Variants in ARHGAP6 observed in about 807,000 individuals in gnomAD.
The protein encoded by ARHGAP6 is Rho GTPase activating protein 6, also known as rho GTPase-activating protein 6.
A neutral mutation model predicts 55.7 loss-of-function variants in ARHGAP6; 16 were observed. The ratio of observed to expected loss-of-function variants is 0.29; its 90% confidence interval spans 0.19 to 0.44. The LOEUF (loss-of-function observed/expected upper bound fraction) is 0.44, where lower values mean the gene tolerates loss of function less well. Among genes scored for constraint, ARHGAP6 ranks in the 20% least tolerant of loss-of-function variants. The pLI, the probability that ARHGAP6 is intolerant of heterozygous loss-of-function variation, is 1.00. For missense variants in ARHGAP6, 698 were observed against 808.9 expected (o/e 0.86, Z 1.66); for synonymous variants, 382 against 360.9 (o/e 1.06, Z -0.66).
intron 1 of ARHGAP6, among the ~76,000 whole-genome samples, chrX:11,469,014 T>G (rs2050322874): frequency 8.9e-6 from 1 of 112,353 alleles, no homozygotes; most frequent in Non-Finnish European, 1.9e-5. Context: ...GGCAGGCATC[T>G]GCAAATCAGG....
intron 1 of ARHGAP6, among the ~76,000 whole-genome samples, chrX:11,526,523 CAGT>C (rs2050991040): frequency 8.9e-6 from 1 of 111,808 alleles, no homozygotes; most frequent in Non-Finnish European, 1.9e-5. Context: ...TCCCCAGCTT[CAGT>C]AGTTGTTTTC....
At chrX:11,183,880 C>A (rs1349240905) in intron 5 of ARHGAP6, among the ~76,000 whole-genome samples, 1 of 112,195 alleles carries the variant, frequency 8.9e-6, no homozygotes, top group East Asian at 2.8e-4. Flanking sequence ...AATGGCTCTC[C>A]TTTTTCTATG....
chrX:11,308,575 T>C (rs769456433), intron 1 of ARHGAP6, among the ~76,000 whole-genome samples: 2 of 111,504 alleles, frequency 1.8e-5, no homozygotes, highest in African/African-American at 3.3e-5. Context: ...GGGCAACCTA[T>C]GCCCTTGTCC....
intron 1 of ARHGAP6, among the ~76,000 whole-genome samples, chrX:11,442,037 A>G (rs1300035084): frequency 8.9e-6 from 1 of 111,953 alleles, no homozygotes; most frequent in Non-Finnish European, 1.9e-5. Context: ...TGAAACAATA[A>G]CTAGTACATC....
chrX:11,664,280 G>A lies in ARHGAP6; in HGVS notation c.549C>T (p.Pro183=), dbSNP rs779871942. ...CGACGTAGGGGTGCCCGCGACTGTCGGGTGGGGACTGGAACTTCCTCTGCT... is the reference window on the plus strand; with the variant it reads ...CGACGTAGGGGTGCCCGCGACTGTCAGGTGGGGACTGGAACTTCCTCTGCT... The part of the protein sequence containing the change: ...WLQQRKFQSP[P]DSRGHPYVVW... Residue 183 remains proline, a synonymous_variant, in exon 1 of 13, where the codon CCC becomes CCT. Transcript: ENST00000337414. The A allele has an allele frequency of 4.2e-5, 51 of 1,210,369 alleles. No homozygotes were observed. The highest frequency in any genetic ancestry group is 3.7e-4 in the Admixed American group (17 of 45,997).
At chrX:11,443,943 A>T (rs2050066742) in intron 1 of ARHGAP6, among the ~76,000 whole-genome samples, 1 of 106,752 alleles carries the variant, frequency 9.4e-6, no homozygotes, top group African/African-American at 3.5e-5. Flanking sequence ...AAACAAAACA[A>T]AAAAGAAAAC....
intron 1 of ARHGAP6, among the ~76,000 whole-genome samples, chrX:11,336,398 AC>A (rs1185061265): frequency 9.0e-6 from 1 of 111,476 alleles, no homozygotes; most frequent in African/African-American, 3.3e-5. Context: ...CTAGACAATC[AC>A]CCCAGCTTTA....
intron 1 of ARHGAP6, among the ~76,000 whole-genome samples, chrX:11,579,335 A>G (rs186776383): frequency 0.017 from 1,911 of 111,999 alleles, 19 homozygotes; most frequent in Middle Eastern, 0.13. Flanking sequence ...AGAAGTAAAG[A>G]GAATATAACA....
chrX:11,334,930 C>A, intron 1 of ARHGAP6: 2 of 137,361 alleles, frequency 1.5e-5, no homozygotes, highest in South Asian at 4.3e-4. Flanking sequence ...CCCGTGAAGT[C>A]AAAACTGCAA....
At chrX:11,654,301 T>C (rs2052616139) in intron 1 of ARHGAP6, among the ~76,000 whole-genome samples, 1 of 111,866 alleles carries the variant, frequency 8.9e-6, no homozygotes, top group Non-Finnish European at 1.9e-5. Flanking sequence ...TTATTGACAC[T>C]TCAGCTCCTA....
At chrX:11,243,087 G>C (rs2047306051) in intron 2 of ARHGAP6, among the ~76,000 whole-genome samples, 1 of 108,971 alleles carries the variant, frequency 9.2e-6, no homozygotes, top group Non-Finnish European at 1.9e-5. Context: ...TTGTGCTGTA[G>C]GTATGTATAA....
intron 1 of ARHGAP6, among the ~76,000 whole-genome samples, chrX:11,274,288 G>C (rs1208691527): frequency 9.0e-6 from 1 of 111,728 alleles, no homozygotes; most frequent in Non-Finnish European, 1.9e-5. Context: ...GGCAACTGTT[G>C]ACTTAAAGCA....
intron 2 of ARHGAP6, among the ~76,000 whole-genome samples, chrX:11,239,865 G>A (rs192856242): frequency 2.2e-4 from 25 of 111,704 alleles, no homozygotes; most frequent in Non-Finnish European, 4.0e-4. Context: ...CTGTAAAAAG[G>A]TTTAGTAATA....
chrX:11,641,526 G>A (rs191108659), intron 1 of ARHGAP6, among the ~76,000 whole-genome samples: 1 of 111,473 alleles, frequency 9.0e-6, no homozygotes, highest in East Asian at 2.8e-4. Context: ...GAAGAAGGTC[G>A]CATCACACAT....
chrX:11,491,829 A>T (rs1031884791), intron 1 of ARHGAP6, among the ~76,000 whole-genome samples: 1 of 109,486 alleles, frequency 9.1e-6, no homozygotes, highest in African/African-American at 3.4e-5. Context: ...CAGTCCCACC[A>T]ACAGTGTAAA....
At chrX:11,359,962 G>C (rs897374322) in intron 1 of ARHGAP6, among the ~76,000 whole-genome samples, 11 of 111,724 alleles carry the variant, frequency 9.8e-5, no homozygotes, top group African/African-American at 3.6e-4. Context: ...CCAGGAAGAA[G>C]TTGAATCTCT....
At chrX:11,187,489 G>T (rs1478193472) in intron 4 of ARHGAP6, among the ~76,000 whole-genome samples, 3 of 112,169 alleles carry the variant, frequency 2.7e-5, no homozygotes, top group African/African-American at 9.7e-5. Context: ...TACACAGTCT[G>T]AGACACAATG....
At chrX:11,362,197 C>T (rs951141521) in intron 1 of ARHGAP6, among the ~76,000 whole-genome samples, 1 of 111,808 alleles carries the variant, frequency 8.9e-6, no homozygotes. Context: ...TATAAAGACA[C>T]ATGCACACGT....
chrX:11,301,351 A>T (rs910800129), intron 1 of ARHGAP6, among the ~76,000 whole-genome samples: 9 of 112,475 alleles, frequency 8.0e-5, no homozygotes, highest in African/African-American at 2.3e-4. Context: ...ACTTTAAGAT[A>T]AATTGTACTG....
Sources: allele counts gnomAD v4.1 joint callset (sites outside exome capture counted in the v4.1 genomes callset), GRCh38; gene constraint gnomAD v4.1.1; transcripts MANE v1.5; gene names NCBI Gene and HGNC (gene_info 2026-07-23, HGNC 2026-07-21).